The following IFT88 variants were observed in gnomAD, a reference collection of about 807,000 sequenced individuals.
The protein encoded by IFT88 is intraflagellar transport protein 88 homolog.
IFT88 carries 74 observed loss-of-function variants against 119.5 expected under a neutral mutation model. The ratio of observed to expected loss-of-function variants is 0.62; its 90% CI spans 0.51 to 0.75. The LOEUF is 0.75. Ranked by LOEUF, IFT88 falls within the 30% of genes least tolerant of loss-of-function variation. The probability of loss-of-function intolerance (pLI) is 0.00; values close to 1 mark genes in which losing one functional copy is unlikely to be tolerated. For missense variants in IFT88, 961 were observed against 977.7 expected (o/e 0.98, Z 0.23); for synonymous variants, 279 against 316.7 (o/e 0.88, Z 1.26).
At chr13:20,587,947 C>T (rs150140619) in intron 3 of IFT88, among the ~76,000 whole-genome samples, 5 of 147,530 alleles carry the variant, frequency 3.4e-5, no homozygotes, top group Non-Finnish European at 7.4e-5. Context: ...ATTCCACTTA[C>T]ATTTAATGAA....
chr13:20,655,057 C>T (rs551163342), intron 21 of IFT88, among the ~76,000 whole-genome samples: 5 of 152,200 alleles, frequency 3.3e-5, no homozygotes, highest in South Asian at 4.2e-4. Flanking sequence ...GACCCAAATT[C>T]GTTTTTCCTA....
chr13:20,643,841 C>T (rs2050327914), intron 19 of IFT88, among the ~76,000 whole-genome samples: 1 of 152,196 alleles, frequency 6.6e-6, no homozygotes, highest in African/African-American at 2.4e-5. Flanking sequence ...GCAGCCTCCT[C>T]CTCCTGGGTT....
At chr13:20,676,322 C>T (rs2056650261) in intron 24 of IFT88, among the ~76,000 whole-genome samples, 1 of 152,186 alleles carries the variant, frequency 6.6e-6, no homozygotes, top group African/African-American at 2.4e-5. Flanking sequence ...AGACTGAAAA[C>T]AGTACCTTCC....
chr13:20,567,703 A>T, intron 1 of IFT88: 1 of 1,193,946 alleles, frequency 8.4e-7, no homozygotes, highest in Non-Finnish European at 1.0e-6. Context: ...TGAAAGTTGA[A>T]TCAGGAATGA....
chr13:20,572,682 C>T (rs1227894420), intron 1 of IFT88, among the ~76,000 whole-genome samples: 1 of 152,104 alleles, frequency 6.6e-6, no homozygotes, highest in Non-Finnish European at 1.5e-5. Context: ...GCTGAGTTTT[C>T]ACAAATGCAT....
chr13:20,641,818 T>A (rs2050007745), intron 18 of IFT88: 1 of 156,262 alleles, frequency 6.4e-6, no homozygotes, highest in Admixed American at 6.2e-5. Context: ...TTTTTCTTAC[T>A]TTTTTAGCTG....
chr13:20,673,601 C>A (rs368517995), intron 24 of IFT88, among the ~76,000 whole-genome samples: 51 of 152,314 alleles, frequency 3.3e-4, no homozygotes, highest in African/African-American at 1.2e-3. Context: ...GGGCTTCACT[C>A]GGCCAGGGAC....
In IFT88 at chr13:20,691,150, T is replaced by A; in HGVS notation, c.2450T>A (p.Leu817Ter). The A allele has an allele frequency of 6.2e-7, 1 of 1,613,490 alleles. No individual in the cohort carries two copies. Among genetic ancestry groups the A allele is most frequent in the Non-Finnish European group, 8.5e-7 (1 of 1,179,652 alleles). Residue 817 changes from leucine (L) to a stop codon, truncating the protein, a stop_gained, in exon 26 of 26, where the codon TTA (leucine) becomes TAA (stop). Coordinates refer to ENST00000351808, the MANE Select transcript of IFT88 (RefSeq NM_006531.5). LOFTEE classifies it high-confidence loss of function. ...IDEDDFADEE[L>*]GDDLLPE ...GAGGATGATTTTGCTGATGAAGAATTAGGAGATGATTTGCTTCCAGAATAA... is the reference window on the plus strand; with the variant it reads ...GAGGATGATTTTGCTGATGAAGAATAAGGAGATGATTTGCTTCCAGAATAA...
chr13:20,678,267 T>C (rs2056921907), intron 24 of IFT88, among the ~76,000 whole-genome samples: 1 of 152,174 alleles, frequency 6.6e-6, no homozygotes, highest in Non-Finnish European at 1.5e-5. Flanking sequence ...AGCTCAGTTA[T>C]GGAGACCCTA....
intron 20 of IFT88, among the ~76,000 whole-genome samples, chr13:20,651,795 A>G (rs1332310393): frequency 2.6e-5 from 4 of 152,188 alleles, no homozygotes; most frequent in Non-Finnish European, 5.9e-5. Context: ...TATAGGGTTC[A>G]GTAGTATTTG....
At chr13:20,584,836 G>GC (rs1051333707) in intron 3 of IFT88, among the ~76,000 whole-genome samples, 13 of 152,128 alleles carry the variant, frequency 8.5e-5, no homozygotes, top group Admixed American at 2.0e-4. Flanking sequence ...GGGCACTTGT[G>GC]CCCCCCCACC....
chr13:20,625,858 T>A lies in IFT88; in HGVS notation c.1299+9T>A. 2 of 1,506,248 alleles carry A rather than the reference T, an allele frequency of 1.3e-6. No homozygotes were observed. Among genetic ancestry groups the A allele is most frequent in the Non-Finnish European group, 1.8e-6 (2 of 1,109,688 alleles). The allele number at this position is 1,506,248 out of a possible 1,614,324, so 93.3% of individuals were successfully genotyped here. A position where few individuals can be genotyped will look rare whatever the true frequency, so the allele number is the denominator to read the frequency against. On this transcript the variant is annotated intron_variant, in intron 15 of 25. Coordinates refer to ENST00000351808, the MANE Select transcript of IFT88 (RefSeq NM_006531.5). ...AAAAAGACTATAACCAAGTAAGTTT[T>A]AAAAAAAATTTTAGATGGAATTCCA...
chr13:20,589,834 G>C lies in IFT88; in HGVS notation c.177G>C (p.Thr59=). Residue 59 remains threonine (T), a synonymous_variant, in exon 4 of 26, where the codon ACG becomes ACC. Transcript: ENST00000351808. ...RPPITAKISS[T]AVTRPIATGY... is the part of the protein sequence containing the mutation. Reference sequence around the variant, plus strand: ...AGATAACTGCTAAAATATCAAGCACGGCAGTTACTAGACCTATAGCTACTG... The same window carrying C: ...AGATAACTGCTAAAATATCAAGCACCGCAGTTACTAGACCTATAGCTACTG... 1.3e-6 allele frequency: 2 copies of C among 1,596,968 alleles called. No homozygotes were observed. Among genetic ancestry groups the C allele is most frequent in the Non-Finnish European group, 1.7e-6 (2 of 1,168,646 alleles).
intron 2 of IFT88, among the ~76,000 whole-genome samples, chr13:20,578,358 CTTTTTTTTTTTTTT>C (rs1158499742): frequency 1.3e-5 from 1 of 78,748 alleles, no homozygotes; most frequent in Non-Finnish European, 2.5e-5. Flanking sequence ...AGTCTTGTTA[CTTTTTTTTTTTTTT>C]TTTTTTTTTC....
chr13:20,656,521 A>G (rs1749638751), intron 22 of IFT88, 91 bp downstream of exon 22: 1 of 486,220 alleles, frequency 2.1e-6, no homozygotes, highest in Non-Finnish European at 3.6e-6. Context: ...GTAATTGTAT[A>G]CGTAAATACC....
chr13:20,662,787 A>G (rs987246507), intron 22 of IFT88, among the ~76,000 whole-genome samples: 4 of 152,254 alleles, frequency 2.6e-5, no homozygotes, highest in Admixed American at 1.3e-4. Flanking sequence ...TGCTAATTTT[A>G]GAAACACAAG....
chr13:20,685,859 G>C (rs2057858180), intron 24 of IFT88, among the ~76,000 whole-genome samples: 1 of 152,186 alleles, frequency 6.6e-6, no homozygotes, highest in Admixed American at 6.5e-5. Flanking sequence ...TAGCCTGGGA[G>C]ACAAAACAAG....
At chr13:20,589,696 A>G in intron 3 of IFT88, 115 bp from the exon 4 acceptor site, 1 of 451,184 alleles carries the variant, frequency 2.2e-6, no homozygotes, top group South Asian at 5.4e-5. Context: ...AAATCATTCT[A>G]AGTATTATAT....
chr13:20,632,139 CAAAAAAAA>C (rs57700458), intron 16 of IFT88: 1 of 123,316 alleles, frequency 8.1e-6, no homozygotes, highest in African/African-American at 3.1e-5. Flanking sequence ...ACCTTGTCTC[CAAAAAAAA>C]AAAAAAAAAA....
Sources: allele counts gnomAD v4.1 joint callset (sites outside exome capture counted in the v4.1 genomes callset), GRCh38; gene constraint gnomAD v4.1.1; transcripts MANE v1.5; gene names NCBI Gene and HGNC (gene_info 2026-07-23, HGNC 2026-07-21).